Variants in LARS1 observed in about 807,000 individuals in gnomAD.
LARS1 encodes leucyl-tRNA synthetase 1.
A neutral mutation model predicts 162.8 loss-of-function variants in LARS1; 100 were observed. The observed-to-expected ratio is 0.61, with a 90% CI of 0.52 to 0.73. The LOEUF is 0.73. Among genes scored for constraint, LARS1 ranks in the 30% least tolerant of loss-of-function variants. The probability of loss-of-function intolerance (pLI) is 0.00; values close to 1 mark genes in which losing one functional copy is unlikely to be tolerated. For synonymous variants in LARS1, 457 were observed against 462.8 expected, an observed-to-expected ratio of 0.99 and a Z score of 0.16; for missense variants, 1,258 against 1,408.9, an observed-to-expected ratio of 0.89 and a Z score of 1.71.
intron 15 of LARS1, among the ~76,000 whole-genome samples, chr5:146,147,165 T>C (rs1753047882): frequency 6.6e-6 from 1 of 152,228 alleles, no homozygotes; most frequent in Non-Finnish European, 1.5e-5. Context: ...TGACAAGTCC[T>C]ACCCATAAGC....
chr5:146,132,794 T>C, intron 23 of LARS1, 104 bp downstream of exon 23: 1 of 818,558 alleles, frequency 1.2e-6, no homozygotes, highest in East Asian at 2.9e-5. Context: ...TTATCATTAG[T>C]TTATTTTATT....
intron 30 of LARS1, among the ~76,000 whole-genome samples, chr5:146,121,323 G>A (rs1751809744): frequency 6.6e-6 from 1 of 152,086 alleles, no homozygotes. Context: ...TCAAGACAAG[G>A]AGGGCAGTTT....
chr5:146,142,904 A>G lies in LARS1; in HGVS notation c.2058T>C (p.Leu686=). ...CCGGCCACATAGCCACATGATTATA[A>G]AGGTAATATGAAAGATGATTTGGAA... ...DLVPNHLSYY[L]YNHVAMWPEQ... The change falls in exon 20 of 32, where the codon CTT becomes CTC. Residue 686 remains leucine (L), a synonymous_variant. Coordinates refer to ENST00000394434, the MANE Select transcript of LARS1 (RefSeq NM_020117.11). 6.2e-7 allele frequency: 1 copy of G among 1,613,976 alleles called. No homozygotes were observed. The highest frequency in any genetic ancestry group is 1.1e-5 in the South Asian group (1 of 91,068).
rs778955388 is a variant in LARS1 at position 146,129,099 on chromosome 5, G to A, written c.2648C>T (p.Ala883Val). 1 of 1,591,922 alleles carries A rather than the reference G, an allele frequency of 6.3e-7. No individual in the cohort carries two copies. Among genetic ancestry groups the A allele is most frequent in the East Asian group, 2.2e-5 (1 of 44,706 alleles). The part of the protein sequence containing the change: ...LLGKPDSIMN[A>V]SWPVAGPVNE... Reference sequence around the variant, plus strand: ...AACAGGACCTGCCACAGGCCATGAAGCATTCATAATTGAGTCAGGCTTTTA... The same window carrying A: ...AACAGGACCTGCCACAGGCCATGAAACATTCATAATTGAGTCAGGCTTTTA... Residue 883 changes from alanine (A) to valine (V), a missense_variant, in exon 26 of 32, where the codon GCT becomes GTT. Ala to Val is a moderately conservative substitution (Grantham distance 64). Coordinates refer to ENST00000394434, the MANE Select transcript of LARS1 (RefSeq NM_020117.11).
intron 6 of LARS1, 79 bp from the exon 7 acceptor site, chr5:146,160,565 T>G (rs1300311298): frequency 9.4e-6 from 6 of 640,526 alleles, no homozygotes; most frequent in Non-Finnish European, 1.6e-5. Context: ...ATGAATCAAT[T>G]ATTTACTCTT....
At chr5:146,164,189 A>G (rs1236783114) in intron 6 of LARS1, 121 bp downstream of exon 6, 1 of 946,412 alleles carries the variant, frequency 1.1e-6, no homozygotes, top group Admixed American at 2.3e-5. Context: ...TGCTCAACGC[A>G]GGGTTGCCAC....
chr5:146,159,497 CATT>C lies in LARS1; in HGVS notation c.708-30_708-28del, dbSNP rs762584355. The C allele has an allele frequency of 2.1e-5, 33 of 1,537,918 alleles. No individual in the cohort carries two copies. The South Asian group carries it at 3.5e-4, about 16-fold the overall frequency. On this transcript the variant is annotated intron_variant, in intron 7 of 31. Coordinates refer to ENST00000394434, the MANE Select transcript of LARS1 (RefSeq NM_020117.11). Reference sequence around the variant, plus strand: ...TAAAAAATAAACAAAAAGTGACAAACATTATTATAATATTCACGTTTTATCCTA... The same window carrying C: ...TAAAAAATAAACAAAAAGTGACAAACATTATAATATTCACGTTTTATCCTA...
chr5:146,144,171 A>G, intron 18 of LARS1, 96 bp downstream of exon 18: 1 of 866,310 alleles, frequency 1.2e-6, no homozygotes, highest in Non-Finnish European at 1.8e-6. Context: ...CAATTCAGAA[A>G]ACACTAGAAT....
Position 146,130,285 on chromosome 5 carries a change from T to C in LARS1, c.2488-127A>G, listed in dbSNP as rs570080802. 2.6e-5 allele frequency: 23 copies of C among 874,446 alleles called. No individual in the cohort carries two copies. The African/African-American group carries it at 3.9e-4, about 15-fold the overall frequency. 54.2% of individuals were successfully genotyped at this position (874,446 alleles called of 1,614,324 possible). On this transcript the variant is annotated intron_variant, in intron 24 of 31. Transcript: ENST00000394434. ...AGTCTTTTAAAAATCCATAACAAAT[T>C]ACTGTAAAGGTTTTACTTTAAGAAT...
chr5:146,182,457 G>T (rs373682886), intron 1 of LARS1, 31 bp downstream of exon 1: 1 of 1,613,628 alleles, frequency 6.2e-7, no homozygotes, highest in African/African-American at 1.3e-5. Flanking sequence ...CGGCTCCAGG[G>T]CCCCTGCGGA....
chr5:146,136,917 T>C (rs1464519939), intron 21 of LARS1, among the ~76,000 whole-genome samples: 1 of 152,238 alleles, frequency 6.6e-6, no homozygotes, highest in Non-Finnish European at 1.5e-5. Flanking sequence ...TCCCTTTTTT[T>C]GAGATGCAGT....
chr5:146,153,267 T>C (rs765371592), intron 12 of LARS1, 40 bp from the exon 13 acceptor site: 8 of 1,354,342 alleles, frequency 5.9e-6, no homozygotes, highest in East Asian at 4.6e-5. Flanking sequence ...TGATCAACAC[T>C]TTACTGGGAG....
At chr5:146,124,965 C>A (rs2126392132) in intron 28 of LARS1, among the ~76,000 whole-genome samples, 1 of 151,542 alleles carries the variant, frequency 6.6e-6, no homozygotes, top group Middle Eastern at 3.4e-3. Flanking sequence ...TAAATGAGAT[C>A]CTAAAGAAGC....
At chr5:146,118,547 G>A (rs1326122133) in intron 31 of LARS1, among the ~76,000 whole-genome samples, 1 of 152,178 alleles carries the variant, frequency 6.6e-6, no homozygotes, top group Non-Finnish European at 1.5e-5. Context: ...AATGATAAAT[G>A]TTTGAGGTGA....
intron 15 of LARS1, among the ~76,000 whole-genome samples, chr5:146,145,248 T>A (rs1489042470): frequency 6.7e-6 from 1 of 149,200 alleles, no homozygotes; most frequent in East Asian, 2.0e-4. Flanking sequence ...CCCACCCAGT[T>A]AATTTTTTAA....
chr5:146,115,494 T>C (rs565740466), intron 31 of LARS1, among the ~76,000 whole-genome samples: 12 of 149,930 alleles, frequency 8.0e-5, no homozygotes, highest in African/African-American at 2.5e-4. Flanking sequence ...CTTTCAGAAT[T>C]TTTAGCTGTA....
intron 4 of LARS1, among the ~76,000 whole-genome samples, chr5:146,171,271 C>T (rs1446957285): frequency 2.6e-5 from 4 of 151,884 alleles, no homozygotes; most frequent in African/African-American, 9.7e-5. Context: ...GCAGGAGAAT[C>T]GCTTGAACCC....
intron 14 of LARS1, 110 bp downstream of exon 14, chr5:146,151,752 A>T (rs530535453): frequency 5.9e-6 from 6 of 1,021,426 alleles, no homozygotes; most frequent in Non-Finnish European, 8.6e-6. Flanking sequence ...TTAAGCTCTC[A>T]AATCAATGTA....
intron 29 of LARS1, 139 bp downstream of exon 29, chr5:146,123,843 A>G (rs1222781927): frequency 2.0e-5 from 9 of 448,368 alleles, no homozygotes; most frequent in Non-Finnish European, 3.5e-5. Context: ...TTCTCTCCAA[A>G]AATATTTTCG....
Sources: allele counts gnomAD v4.1 joint callset (sites outside exome capture counted in the v4.1 genomes callset), GRCh38; gene constraint gnomAD v4.1.1; transcripts MANE v1.5; gene names NCBI Gene and HGNC (gene_info 2026-07-23, HGNC 2026-07-21).